The following SOX13 variants were observed in gnomAD, a reference collection of about 807,000 sequenced individuals.
SOX13 encodes the protein transcription factor SOX-13.
In SOX13, 28 loss-of-function variants were observed where a neutral mutation model predicts 71.8. That is an observed-to-expected ratio of 0.39 (90% CI 0.29 to 0.53). SOX13 has a LOEUF of 0.53. SOX13 is among the 20% of genes least tolerant of loss of function. The pLI is 0.70. For synonymous variants in SOX13, 309 were observed against 317.8 expected (o/e 0.97, Z 0.29); for missense variants, 627 against 810.3 (o/e 0.77, Z 2.75).
At chr1:204,105,009 G>A (rs548164269) in intron 1 of SOX13, among the ~76,000 whole-genome samples, 1 of 152,290 alleles carries the variant, frequency 6.6e-6, no homozygotes, top group Non-Finnish European at 1.5e-5. Flanking sequence ...GTGGGTTGGT[G>A]GGGTTCAGAG....
intron 1 of SOX13, among the ~76,000 whole-genome samples, chr1:204,082,081 G>C (rs147274578): frequency 1.3e-5 from 2 of 151,640 alleles, no homozygotes; most frequent in Non-Finnish European, 2.9e-5. Flanking sequence ...GGTGTGTGTG[G>C]GGGGGAGGGA....
intron 1 of SOX13, among the ~76,000 whole-genome samples, chr1:204,101,350 T>C (rs1004198557): frequency 2.6e-5 from 4 of 152,048 alleles, no homozygotes; most frequent in African/African-American, 9.7e-5. Context: ...GGGTAGAGGC[T>C]GATATTTGAA....
chr1:204,123,894 TACTGTGTTGGACTCCAGTGGAATCTGAC>T lies in SOX13; in HGVS notation c.1375+91_1375+118del. On this transcript the variant is annotated intron_variant, in intron 12 of 13. Coordinates refer to ENST00000367204, the MANE Select transcript of SOX13 (RefSeq NM_005686.3). This position sits in a 1 kb window ranked among gnomAD's most constrained non-coding sequence, Gnocchi z 5.0. The stretch of plus-strand genomic sequence containing the variant: ...TCAGGGCTTGCTTGGTGATATTCCA[TACTGTGTTGGACTCCAGTGGAATCTGAC>T]GACAGGGGTGCAGGAGTTGCTGGGG... 7.0e-7 allele frequency: 1 copy of T among 1,429,588 alleles called. No individual in the cohort carries two copies. The highest frequency in any genetic ancestry group is 9.7e-7 in the Non-Finnish European group (1 of 1,033,370). 88.6% of individuals were successfully genotyped at this position (1,429,588 alleles called of 1,614,324 possible). A position where few individuals can be genotyped will look rare whatever the true frequency, so the allele number is the denominator to read the frequency against.
chr1:204,100,324 A>G (rs1030971161), intron 1 of SOX13, among the ~76,000 whole-genome samples: 1 of 152,160 alleles, frequency 6.6e-6, no homozygotes, highest in Admixed American at 6.5e-5. Flanking sequence ...TATTATTAGT[A>G]TTGTGGGTTC....
chr1:204,102,613 A>G lies in SOX13; in HGVS notation c.-1-10302A>G, dbSNP rs544808737. Among the ~76,000 whole-genome samples the G allele has an allele frequency of 4.9e-3, 739 of 151,510 alleles. 6 individuals carry two copies. The highest frequency in any genetic ancestry group is 0.015 in the African/African-American group (609 of 41,278). ...ACCTAGGCTAGGGAGGGAGACCTAC[A>G]TGGAGCAGATGGAGGAGGAAGAGGG... On this transcript the variant is annotated intron_variant, in intron 1 of 13. Transcript: ENST00000367204.
chr1:204,109,026 C>T (rs1352220077), intron 1 of SOX13, among the ~76,000 whole-genome samples: 2 of 152,248 alleles, frequency 1.3e-5, no homozygotes, highest in African/African-American at 4.8e-5. Context: ...CCCCTGCTCT[C>T]GGCCTGGCTC....
At chr1:204,100,012 C>A (rs913293373) in intron 1 of SOX13, among the ~76,000 whole-genome samples, 2 of 152,136 alleles carry the variant, frequency 1.3e-5, no homozygotes, top group African/African-American at 4.8e-5. Flanking sequence ...GTGGCATGCA[C>A]CTGTAGTTCC....
intron 1 of SOX13, among the ~76,000 whole-genome samples, chr1:204,094,461 T>A (rs766220527): frequency 6.6e-6 from 1 of 152,200 alleles, no homozygotes; most frequent in Non-Finnish European, 1.5e-5. Context: ...GCTGGGCACC[T>A]TCAGTGACCC....
rs1370604745 is a variant in SOX13, at chr1:204,122,260, C to T, written c.885C>T (p.Leu295=). The T allele has an allele frequency of 1.3e-6, 2 of 1,590,606 alleles. No homozygotes were observed. The highest frequency in any genetic ancestry group is 1.7e-6 in the Non-Finnish European group (2 of 1,169,012). ...PLQEPSQPLN[L]TAKPKAPELP... ...AGGAGCCCTCCCAGCCCCTGAACCTCACAGCCAAGCCCAAGGCCCCCGAGC... is the reference window on the plus strand; with the variant it reads ...AGGAGCCCTCCCAGCCCCTGAACCTTACAGCCAAGCCCAAGGCCCCCGAGC... Residue 295 remains leucine (L), a synonymous_variant, in exon 9 of 14, where the codon CTC becomes CTT. Transcript: ENST00000367204.
At chr1:204,089,777 C>T (rs1656104008) in intron 1 of SOX13, among the ~76,000 whole-genome samples, 2 of 152,198 alleles carry the variant, frequency 1.3e-5, no homozygotes, top group South Asian at 4.1e-4. Flanking sequence ...CTCCACATTG[C>T]CCAGGGCTCA....
chr1:204,082,368 G>A (rs1026037406), intron 1 of SOX13, among the ~76,000 whole-genome samples: 3 of 152,070 alleles, frequency 2.0e-5, no homozygotes, highest in African/African-American at 7.2e-5. Context: ...AGACAGTGAG[G>A]ACATTAGACG....
intron 1 of SOX13, among the ~76,000 whole-genome samples, chr1:204,085,741 G>A (rs1015565954): frequency 2.6e-5 from 4 of 151,738 alleles, no homozygotes; most frequent in Non-Finnish European, 5.9e-5. Flanking sequence ...TTGGGAGGCC[G>A]AGGCAGGTGG....
Position 204,079,567 on chromosome 1 carries a change from G to A in SOX13, c.-2+5856G>A, listed in dbSNP as rs112232207. ...CACCATGTTGGCCATGGCTGGTCTC[G>A]AACCCCCGACCTCAGGTGATCCGCC... On this transcript the variant is annotated intron_variant, in intron 1 of 13. Coordinates refer to ENST00000367204, the MANE Select transcript of SOX13 (RefSeq NM_005686.3). 8.6e-3 allele frequency among the ~76,000 whole-genome samples: 1,306 copies of A among 151,970 alleles called. 21 individuals carry two copies. The highest frequency in any genetic ancestry group is 0.028 in the African/African-American group (1,148 of 41,478).
intron 6 of SOX13, 126 bp from the exon 7 acceptor site, chr1:204,117,467 G>A: frequency 1.4e-6 from 1 of 696,810 alleles, no homozygotes; most frequent in Non-Finnish European, 2.5e-6. Flanking sequence ...GGATCCTTTG[G>A]AAAACTGTCC....
chr1:204,092,300 C>T (rs558208256), intron 1 of SOX13, among the ~76,000 whole-genome samples: 3 of 151,952 alleles, frequency 2.0e-5, no homozygotes, highest in African/African-American at 7.2e-5. Flanking sequence ...GTAGGCCCAC[C>T]ACACCTGGCC....
chr1:204,089,157 T>G (rs1432459066), intron 1 of SOX13, among the ~76,000 whole-genome samples: 4 of 139,246 alleles, frequency 2.9e-5, no homozygotes, highest in Non-Finnish European at 6.2e-5. Flanking sequence ...GCACATTCTG[T>G]TCTCCAGTGT....
intron 1 of SOX13, among the ~76,000 whole-genome samples, chr1:204,105,914 G>A (rs574023747): frequency 1.3e-5 from 2 of 152,268 alleles, no homozygotes; most frequent in African/African-American, 4.8e-5. Flanking sequence ...GGAAACTGAG[G>A]GAGCCCAGTA....
rs541207507 is a variant in SOX13 at position 204,075,541 on chromosome 1, C to A, written c.-2+1830C>A. On this transcript the variant is annotated intron_variant, in intron 1 of 13. Coordinates refer to ENST00000367204, the MANE Select transcript of SOX13 (RefSeq NM_005686.3). ...GAAATGGGCAGAGTTATGCACCCAA[C>A]TTTGAAACTGGCATGTCGTGATCGT... Among the ~76,000 whole-genome samples the A allele has an allele frequency of 1.1e-4, 16 of 152,372 alleles. 1 individual carries two copies. The highest frequency in any genetic ancestry group is 1.9e-4 in the Non-Finnish European group (13 of 68,040).
At chr1:204,112,310 G>T (rs1045742679) in intron 1 of SOX13, among the ~76,000 whole-genome samples, 1 of 151,914 alleles carries the variant, frequency 6.6e-6, no homozygotes, top group African/African-American at 2.4e-5. Flanking sequence ...GGGTGGTGGC[G>T]TGTGCCTGTA....
Sources: gnomAD v4.1 joint callset for allele counts (sites outside exome capture counted in the v4.1 genomes callset) on GRCh38, gnomAD v4.1.1 for gene constraint, Gnocchi (gnomAD v3.1) non-coding constraint, MANE v1.5 for transcripts, NCBI Gene and HGNC (gene_info 2026-07-23, HGNC 2026-07-21) for gene names.